NEBL: variants seen among roughly 807,000 people sequenced by gnomAD.
The protein encoded by NEBL is LIM and SH3 protein 2.
In NEBL, 122 loss-of-function variants were observed where a neutral mutation model predicts 140.2. The observed-to-expected ratio is 0.87, with a 90% CI of 0.75 to 1.01. The LOEUF is 1.01. Ranked by LOEUF, NEBL falls within the 50% of genes least tolerant of loss-of-function variation. The pLI is 0.00. For synonymous variants in NEBL, 436 were observed against 398.9 expected (o/e 1.09, Z -1.11); for missense variants, 1,365 against 1,231.3 (o/e 1.11, Z -1.62).
chr10:21,183,356 G>A (rs994430094), intron 3 of NEBL, among the ~76,000 whole-genome samples: 1 of 152,092 alleles, frequency 6.6e-6, no homozygotes, highest in African/African-American at 2.4e-5. Flanking sequence ...GTTGGAAGAG[G>A]GGAGAGCCGC....
At chr10:21,272,420 C>T (rs1842871747) in intron 1 of NEBL, among the ~76,000 whole-genome samples, 1 of 151,826 alleles carries the variant, frequency 6.6e-6, no homozygotes, top group African/African-American at 2.4e-5. Context: ...CCTGTCTATA[C>T]AAAACCAAAA....
intron 4 of NEBL, among the ~76,000 whole-genome samples, chr10:20,916,377 G>A (rs747437185): frequency 1.4e-4 from 22 of 152,172 alleles, no homozygotes; most frequent in Non-Finnish European, 3.2e-4. Flanking sequence ...TAGCTCTGAA[G>A]AAGAAGAAAA....
At chr10:20,790,964 T>A (rs1564326914) in intron 26 of NEBL, among the ~76,000 whole-genome samples, 1 of 152,244 alleles carries the variant, frequency 6.6e-6, no homozygotes, top group Non-Finnish European at 1.5e-5. Flanking sequence ...GTGCCCTGTT[T>A]ATTAAACTAG....
intron 2 of NEBL, among the ~76,000 whole-genome samples, chr10:21,103,162 T>C (rs1410104293): frequency 2.6e-5 from 4 of 152,062 alleles, no homozygotes; most frequent in Admixed American, 6.6e-5. Context: ...TAAAATAAAA[T>C]GTATGTACAG....
chr10:20,992,286 T>C (rs1837487452), intron 3 of NEBL, among the ~76,000 whole-genome samples: 2 of 152,210 alleles, frequency 1.3e-5, no homozygotes, highest in Non-Finnish European at 2.9e-5. Context: ...TTTCATCAAT[T>C]TTCCACATTT....
rs375265257 is a variant in NEBL, at chr10:20,896,998, C to T, written c.113G>A (p.Ser38Asn). Residue 38 changes from serine (S) to asparagine (N), a missense_variant, in exon 2 of 28, where the codon AGC becomes AAC. By Grantham distance (46) the Ser-to-Asn change is conservative. Around this residue, in one of 2 missense-constraint regions of NEBL, gnomAD observed 1,323 missense variants for 1,154.8 expected, o/e 1.15. Transcript: ENST00000377122. ...CGTGCATTTTCTGGCCAATTCCATG[C>T]TTAAGTCTTCAATAACAGGCTTATA... Reference protein sequence around the residue: ...VFYKPVIEDLSMELARKCTEL... With the variant: ...VFYKPVIEDLNMELARKCTEL... 2 of 1,613,940 alleles carry T rather than the reference C, an allele frequency of 1.2e-6. No individual in the cohort carries two copies. The highest frequency in any genetic ancestry group is 1.7e-5 in the Admixed American group (1 of 60,012).
At chr10:21,046,060 G>A (rs1287580969) in intron 2 of NEBL, among the ~76,000 whole-genome samples, 1 of 152,050 alleles carries the variant, frequency 6.6e-6, no homozygotes, top group African/African-American at 2.4e-5. Context: ...CCTTTAAAAA[G>A]AAGAAAATCC....
At chr10:20,954,979 T>C (rs1362194244) in intron 4 of NEBL, among the ~76,000 whole-genome samples, 1 of 152,170 alleles carries the variant, frequency 6.6e-6, no homozygotes, top group Non-Finnish European at 1.5e-5. Flanking sequence ...GCAAAAGATT[T>C]TACATTTTAT....
chr10:21,125,974 G>A, intron 2 of NEBL: 1 of 1,614,194 alleles, frequency 6.2e-7, no homozygotes, highest in Non-Finnish European at 8.5e-7. Context: ...TGGTTCAGGA[G>A]CTGCCTGGAT....
chr10:20,937,625 C>T lies in NEBL; in HGVS notation c.357+24047G>A, dbSNP rs532418613. On this transcript the variant is annotated intron_variant, in intron 4 of 6. Transcript: ENST00000417816. Reference sequence around the variant, plus strand: ...GTGGGTGCAGTGCACCAAGCGTGAGCTGAAGCAGGGTGAGGCATCGCCTCA... The same window carrying T: ...GTGGGTGCAGTGCACCAAGCGTGAGTTGAAGCAGGGTGAGGCATCGCCTCA... Among the ~76,000 whole-genome samples, 3 of 152,254 alleles carry T rather than the reference C, an allele frequency of 2.0e-5. No individual in the cohort carries two copies. In the East Asian group the frequency reaches 5.8e-4, roughly 29 times the overall value.
intron 3 of NEBL, among the ~76,000 whole-genome samples, chr10:21,200,353 T>A (rs6482167): frequency 0.16 from 21,633 of 135,998 alleles, 2,057 homozygotes; most frequent in African/African-American, 0.26. Flanking sequence ...TCGCTCTGTC[T>A]TCCAGGCTGG....
intron 1 of NEBL, among the ~76,000 whole-genome samples, chr10:21,279,472 CTT>C (rs1842965436): frequency 6.6e-6 from 1 of 151,610 alleles, no homozygotes; most frequent in African/African-American, 2.4e-5. Context: ...TGTTTCAACA[CTT>C]TAAAAATATA....
At chr10:21,055,277 A>C (rs974189745) in intron 2 of NEBL, among the ~76,000 whole-genome samples, 2 of 152,238 alleles carry the variant, frequency 1.3e-5, no homozygotes, top group Admixed American at 6.5e-5. Context: ...TACAGTTTTA[A>C]GTACTGGGAA....
intron 4 of NEBL, among the ~76,000 whole-genome samples, chr10:20,924,413 TA>T (rs71390800): frequency 0.065 from 3,832 of 58,916 alleles, 62 homozygotes; most frequent in African/African-American, 0.14. Flanking sequence ...AGGCATGAAG[TA>T]AAAAAAAAAA....
chr10:20,933,371 A>C (rs1393491024), intron 4 of NEBL, among the ~76,000 whole-genome samples: 2 of 152,214 alleles, frequency 1.3e-5, no homozygotes, highest in Admixed American at 1.3e-4. Context: ...CTCAAAACTT[A>C]CCCGTACACT....
chr10:21,014,936 C>A (rs1202724944), intron 3 of NEBL, among the ~76,000 whole-genome samples: 1 of 152,180 alleles, frequency 6.6e-6, no homozygotes, highest in Non-Finnish European at 1.5e-5. Flanking sequence ...AAAAAAGAAT[C>A]AACATAGATT....
upstream of NEBL, chr10:20,899,497 A>G: frequency 8.7e-7 from 1 of 1,151,926 alleles, no homozygotes; most frequent in South Asian, 1.4e-5. Flanking sequence ...ACTTTTGAAA[A>G]CAAAAACCAA....
intron 3 of NEBL, among the ~76,000 whole-genome samples, chr10:21,013,715 T>C (rs1838443933): frequency 6.6e-6 from 1 of 152,098 alleles, no homozygotes; most frequent in African/African-American, 2.4e-5. Flanking sequence ...CCATCTCTAC[T>C]AAAAATACAA....
intron 16 of NEBL, 58 bp from the exon 17 acceptor site, chr10:20,828,692 G>T (rs1273960529): frequency 9.2e-7 from 1 of 1,088,554 alleles, no homozygotes; most frequent in Non-Finnish European, 1.4e-6. Context: ...ACATGTGAGA[G>T]GGAGGGAGGG....
Sources: allele counts gnomAD v4.1 joint callset (sites outside exome capture counted in the v4.1 genomes callset), GRCh38; gene constraint gnomAD v4.1.1; regional missense constraint gnomAD v4.1.1; transcripts MANE v1.5; gene names NCBI Gene and HGNC (gene_info 2026-07-23, HGNC 2026-07-21).